The following CLRN2 variants were observed in gnomAD, a reference collection of about 807,000 sequenced individuals.
CLRN2 encodes the protein clarin-2.
Under a neutral mutation model 20.1 loss-of-function variants are expected in CLRN2, and 17 were observed. That is an observed-to-expected ratio of 0.85 (90% CI 0.58 to 1.27). The LOEUF (loss-of-function observed/expected upper bound fraction) is 1.27, where lower values mean the gene tolerates loss of function less well. CLRN2 is among the 50% of genes most tolerant of loss of function. The probability of loss-of-function intolerance (pLI) is 0.00; values close to 1 mark genes in which losing one functional copy is unlikely to be tolerated. For synonymous variants in CLRN2, 140 were observed against 126.9 expected (o/e 1.10, Z -0.70); for missense variants, 288 against 299.5 (o/e 0.96, Z 0.28).
chr4:17,516,789 C>T (rs958204088), intron 1 of CLRN2, among the ~76,000 whole-genome samples: 1 of 152,140 alleles, frequency 6.6e-6, no homozygotes, highest in East Asian at 1.9e-4. Flanking sequence ...ATGGACTACT[C>T]GATTCTGAAC....
intron 2 of CLRN2, among the ~76,000 whole-genome samples, chr4:17,523,445 G>C (rs1223943254): frequency 1.3e-5 from 2 of 151,966 alleles, no homozygotes; most frequent in African/African-American, 4.8e-5. Context: ...AAACTCCTAA[G>C]CTCAAGGGAT....
chr4:17,515,244 G>A lies in CLRN2; in HGVS notation c.-23G>A, dbSNP rs902977478. On this transcript the variant is annotated 5_prime_UTR_variant, in exon 1 of 3. The change creates a premature stop within an existing upstream ORF in the 5' untranslated region. Coordinates refer to ENST00000511148, the MANE Select transcript of CLRN2 (RefSeq NM_001079827.2). ...ACCCTCGCTGCTGCTCGGAGACCTT[G>A]GGGATGACCTGCACCCACTAGCATG... 1 of 1,610,782 alleles carries A rather than the reference G, an allele frequency of 6.2e-7. No homozygotes were observed. Among genetic ancestry groups the A allele is most frequent in the Non-Finnish European group, 8.5e-7 (1 of 1,178,116 alleles).
chr4:17,516,840 G>A (rs1343009356), intron 1 of CLRN2, among the ~76,000 whole-genome samples: 1 of 152,200 alleles, frequency 6.6e-6, no homozygotes, highest in Non-Finnish European at 1.5e-5. Flanking sequence ...GACTTTAGGG[G>A]TCAAGAAAAC....
At chr4:17,520,154 C>A (rs1246727731) in intron 1 of CLRN2, among the ~76,000 whole-genome samples, 2 of 152,152 alleles carry the variant, frequency 1.3e-5, no homozygotes, top group Non-Finnish European at 2.9e-5. Flanking sequence ...ATAGTTAATG[C>A]ACTTCCTACT....
intron 2 of CLRN2, among the ~76,000 whole-genome samples, chr4:17,524,204 ATGTG>A (rs10527873): frequency 0.16 from 23,919 of 148,482 alleles, 2,618 homozygotes; most frequent in East Asian, 0.44. Context: ...AAACTACAAG[ATGTG>A]TGTGTGTGTG....
chr4:17,515,902 A>T (rs943210689), intron 1 of CLRN2, among the ~76,000 whole-genome samples: 5 of 152,204 alleles, frequency 3.3e-5, no homozygotes, highest in African/African-American at 1.2e-4. Context: ...CATTTTCCAG[A>T]GGAGTACACT....
intron 2 of CLRN2, among the ~76,000 whole-genome samples, chr4:17,525,921 C>G (rs986736981): frequency 4.7e-5 from 7 of 149,690 alleles, no homozygotes; most frequent in Non-Finnish European, 8.9e-5. Flanking sequence ...TTTTAAGAAG[C>G]ATCATAAATG....
chr4:17,525,448 C>T (rs1711949665), intron 2 of CLRN2, among the ~76,000 whole-genome samples: 1 of 152,110 alleles, frequency 6.6e-6, no homozygotes, highest in Admixed American at 6.6e-5. Context: ...CCAGCCTGGG[C>T]AACATAGTGA....
intron 1 of CLRN2, among the ~76,000 whole-genome samples, chr4:17,519,495 T>C (rs2109001997): frequency 6.6e-6 from 1 of 152,196 alleles, no homozygotes; most frequent in Non-Finnish European, 1.5e-5. Flanking sequence ...AGCCTCAGTT[T>C]CCTCATTTGT....
intron 1 of CLRN2, among the ~76,000 whole-genome samples, chr4:17,519,398 G>C (rs1711781114): frequency 6.6e-6 from 1 of 152,164 alleles, no homozygotes; most frequent in Non-Finnish European, 1.5e-5. Flanking sequence ...TGTGCTTTCT[G>C]ATTTTTCTGC....
At position 17,522,901 on chromosome 4, in the gene CLRN2, T is replaced by C; in HGVS notation, c.291T>C (p.Leu97=). ...TGGTGAAGGAGCTCAACGCAGGCCT[T>C]CATGTGATGATTCTGCTGCTCCTCT... The part of the protein sequence containing the change: ...PHLVKELNAG[L]HVMILLLLFL... Residue 97 remains leucine (L), a synonymous_variant, in exon 2 of 3, where the codon CTT becomes CTC. Coordinates refer to ENST00000511148, the MANE Select transcript of CLRN2 (RefSeq NM_001079827.2). The C allele has an allele frequency of 6.2e-7, 1 of 1,614,038 alleles. No individual in the cohort carries two copies. The highest frequency in any genetic ancestry group is 8.5e-7 in the Non-Finnish European group (1 of 1,179,898).
intron 2 of CLRN2, among the ~76,000 whole-genome samples, chr4:17,525,287 A>G (rs1711945503): frequency 6.6e-6 from 1 of 152,218 alleles, no homozygotes; most frequent in Non-Finnish European, 1.5e-5. Flanking sequence ...TCTCTACTAA[A>G]AATACTTACA....
intron 1 of CLRN2, among the ~76,000 whole-genome samples, chr4:17,516,265 G>C (rs901709343): frequency 1.3e-5 from 2 of 152,196 alleles, no homozygotes; most frequent in African/African-American, 4.8e-5. Context: ...AGCTGCCCAG[G>C]ATGTAAGCAG....
intron 1 of CLRN2, among the ~76,000 whole-genome samples, chr4:17,521,964 C>T (rs1711845840): frequency 6.6e-6 from 1 of 152,212 alleles, no homozygotes; most frequent in Non-Finnish European, 1.5e-5. Flanking sequence ...CAGTTAACCA[C>T]TCAGGACCCA....
At position 17,526,974 on chromosome 4, in the gene CLRN2, G is replaced by T; in HGVS notation, c.591G>T (p.Ser197=). 6.2e-7 allele frequency: 1 copy of T among 1,613,980 alleles called. No homozygotes were observed. Among genetic ancestry groups the T allele is most frequent in the Non-Finnish European group, 8.5e-7 (1 of 1,179,890 alleles). The change falls in exon 3 of 3, where the codon TCG becomes TCT. Residue 197 remains serine, a synonymous_variant. Transcript: ENST00000511148. The part of the protein sequence containing the change: ...ESFWICVASA[S]AHAANLVVVA... The stretch of plus-strand genomic sequence containing the variant: ...TTTGGATCTGCGTGGCCAGCGCTTC[G>T]GCCCATGCTGCAAACTTGGTCGTGG...
intron 2 of CLRN2, among the ~76,000 whole-genome samples, chr4:17,524,508 TG>T (rs1268688185): frequency 6.6e-6 from 1 of 152,216 alleles, no homozygotes; most frequent in Non-Finnish European, 1.5e-5. Context: ...TGCCTTTGTT[TG>T]CAGATGGTAG....
intron 1 of CLRN2, 58 bp downstream of exon 1, chr4:17,515,577 AG>A: frequency 1.3e-6 from 2 of 1,577,128 alleles, no homozygotes; most frequent in Non-Finnish European, 1.7e-6. Context: ...TTAATGTGTA[AG>A]AGTGCTTATG....
At chr4:17,523,714 GTGT>G (rs1404522527) in intron 2 of CLRN2, among the ~76,000 whole-genome samples, 1 of 150,402 alleles carries the variant, frequency 6.6e-6, no homozygotes, top group Non-Finnish European at 1.5e-5. Flanking sequence ...GAGAAGGGTA[GTGT>G]GAGCAAGAGG....
intron 2 of CLRN2, 101 bp from the exon 3 acceptor site, chr4:17,526,716 T>G: frequency 7.2e-7 from 1 of 1,394,944 alleles, no homozygotes; most frequent in Non-Finnish European, 9.9e-7. Context: ...CTCATAATTT[T>G]GTTAACCCAA....
Sources: gnomAD v4.1 joint callset for allele counts (sites outside exome capture counted in the v4.1 genomes callset) on GRCh38, gnomAD v4.1.1 for gene constraint, MANE v1.5 for transcripts, NCBI Gene and HGNC (gene_info 2026-07-23, HGNC 2026-07-21) for gene names.